The following ZBTB38 variants were observed in gnomAD, a reference collection of about 807,000 sequenced individuals.
ZBTB38 encodes the protein zinc finger and BTB domain containing 38, also known as zinc finger and BTB domain-containing protein 38.
A neutral mutation model predicts 76.8 loss-of-function variants in ZBTB38; 20 were observed. That is an observed-to-expected ratio of 0.26 (90% CI 0.18 to 0.38). ZBTB38 has a LOEUF of 0.38. Among genes scored for constraint, ZBTB38 ranks in the 10% least tolerant of loss-of-function variants. The pLI, the probability that ZBTB38 is intolerant of heterozygous loss-of-function variation, is 1.00. For synonymous variants in ZBTB38, 504 were observed against 544.2 expected, an observed-to-expected ratio of 0.93 and a Z score of 1.03; for missense variants, 1,082 against 1,482.3, an observed-to-expected ratio of 0.73 and a Z score of 4.43.
chr3:141,346,981 C>T (rs1943382562), intron 1 of ZBTB38, among the ~76,000 whole-genome samples: 1 of 152,122 alleles, frequency 6.6e-6, no homozygotes, highest in African/African-American at 2.4e-5. Context: ...CCGCCACTAG[C>T]TTTTATAAAG....
At chr3:141,428,895 G>A (rs1577358057) in intron 5 of ZBTB38, among the ~76,000 whole-genome samples, 1 of 152,140 alleles carries the variant, frequency 6.6e-6, no homozygotes, top group Non-Finnish European at 1.5e-5. Flanking sequence ...ATTCAATATT[G>A]GGGAATTCAG....
At chr3:141,356,198 A>G (rs959863143) in intron 1 of ZBTB38, among the ~76,000 whole-genome samples, 1 of 152,094 alleles carries the variant, frequency 6.6e-6, no homozygotes, top group African/African-American at 2.4e-5. Flanking sequence ...ACTGTAGCAG[A>G]TGCTGCTGTG....
chr3:141,363,261 G>A (rs1460523286), intron 1 of ZBTB38, among the ~76,000 whole-genome samples: 1 of 152,204 alleles, frequency 6.6e-6, no homozygotes, highest in African/African-American at 2.4e-5. Flanking sequence ...CTAAATAAAT[G>A]AGAAGGTTTC....
chr3:141,361,203 G>T (rs1214358954), intron 1 of ZBTB38, among the ~76,000 whole-genome samples: 2 of 152,184 alleles, frequency 1.3e-5, no homozygotes, highest in African/African-American at 4.8e-5. Context: ...TTTGTCTTGT[G>T]CCTGGTGCCA....
At chr3:141,337,076 G>T (rs578020531) in intron 1 of ZBTB38, among the ~76,000 whole-genome samples, 61 of 152,284 alleles carry the variant, frequency 4.0e-4, no homozygotes, top group African/African-American at 1.4e-3. Flanking sequence ...TCCAGTTCTA[G>T]TCACTCCCCG....
At chr3:141,352,778 G>A (rs1297373839) in intron 1 of ZBTB38, among the ~76,000 whole-genome samples, 1 of 152,010 alleles carries the variant, frequency 6.6e-6, no homozygotes, top group Non-Finnish European at 1.5e-5. Flanking sequence ...GCCCCGCTGA[G>A]CTGGGCCACT....
chr3:141,423,156 T>C (rs1361423384), intron 5 of ZBTB38, among the ~76,000 whole-genome samples: 1 of 152,202 alleles, frequency 6.6e-6, no homozygotes, highest in African/African-American at 2.4e-5. Context: ...TCTTAAAGCC[T>C]GAATCTCTCC....
At chr3:141,373,936 C>A (rs561637272) in intron 2 of ZBTB38, among the ~76,000 whole-genome samples, 1 of 152,036 alleles carries the variant, frequency 6.6e-6, no homozygotes, top group Non-Finnish European at 1.5e-5. Context: ...TCAAGACCAG[C>A]CCAGCCAAAA....
At chr3:141,388,936 C>G (rs147440371) in intron 4 of ZBTB38, 102 of 152,278 alleles carry the variant, frequency 6.7e-4, no homozygotes, top group African/African-American at 2.4e-3. Flanking sequence ...GGTGTAGTTT[C>G]ATTATCACAA....
At chr3:141,342,688 A>G (rs751320962) in intron 1 of ZBTB38, among the ~76,000 whole-genome samples, 6 of 151,710 alleles carry the variant, frequency 4.0e-5, no homozygotes, top group Non-Finnish European at 5.9e-5. Context: ...TTTAGCCCGA[A>G]ATAAAAAAAC....
At chr3:141,360,706 G>T (rs920477170) in intron 1 of ZBTB38, among the ~76,000 whole-genome samples, 1 of 152,062 alleles carries the variant, frequency 6.6e-6, no homozygotes, top group Non-Finnish European at 1.5e-5. Flanking sequence ...CGGCACTATC[G>T]ACTTACTGGA....
intron 2 of ZBTB38, among the ~76,000 whole-genome samples, chr3:141,373,338 C>T (rs1456649154): frequency 1.3e-5 from 2 of 152,130 alleles, no homozygotes; most frequent in African/African-American, 4.8e-5. Context: ...CTTTTCAGAG[C>T]TTAGGTCATC....
chr3:141,436,830 A>G (rs1393436354), intron 5 of ZBTB38, among the ~76,000 whole-genome samples: 1 of 152,196 alleles, frequency 6.6e-6, no homozygotes, highest in Non-Finnish European at 1.5e-5. Context: ...GAGTTTTTCA[A>G]CATGGTTAAC....
chr3:141,386,946 T>TC lies in ZBTB38; in HGVS notation c.-106+12dup, dbSNP rs936815801. On this transcript the variant is annotated intron_variant, in intron 4 of 5. Transcript: ENST00000321464. ...CAGATACTGCATTTAAGGTGAGCTG[T>TC]CCCTTGCCTCCTCCTTCCCCAGTGC... 16 of 152,742 alleles carry TC rather than the reference T, an allele frequency of 1.0e-4. No homozygotes were observed. The highest frequency in any genetic ancestry group is 3.1e-4 in the African/African-American group (13 of 41,454). The allele number at this position is 152,742 out of a possible 1,614,324, so 9.5% of individuals were successfully genotyped here.
At chr3:141,429,634 G>C (rs1417063653) in intron 5 of ZBTB38, among the ~76,000 whole-genome samples, 1 of 152,218 alleles carries the variant, frequency 6.6e-6, no homozygotes, top group Non-Finnish European at 1.5e-5. Flanking sequence ...TAAACAAGCA[G>C]GCAACGACGG....
chr3:141,372,653 CA>C (rs1296129222), intron 2 of ZBTB38, among the ~76,000 whole-genome samples: 1,442 of 104,148 alleles, frequency 0.014, 11 homozygotes, highest in Middle Eastern at 0.12. Context: ...ACTCCATCTC[CA>C]AAAAAAAAAA....
intron 5 of ZBTB38, among the ~76,000 whole-genome samples, chr3:141,441,655 T>G (rs2080252310): frequency 6.6e-6 from 1 of 152,186 alleles, no homozygotes; most frequent in African/African-American, 2.4e-5. Context: ...AGTTCTTGCT[T>G]CTTCTCTGAG....
At chr3:141,395,309 C>T (rs1398768603) in intron 4 of ZBTB38, among the ~76,000 whole-genome samples, 1 of 151,958 alleles carries the variant, frequency 6.6e-6, no homozygotes, top group Non-Finnish European at 1.5e-5. Context: ...GCAGAGGGGA[C>T]TGCTTTATCA....
chr3:141,446,506 G>A lies in ZBTB38; in HGVS notation c.*530G>A, dbSNP rs1299797910. 1 of 152,882 alleles carries A rather than the reference G, an allele frequency of 6.5e-6. No individual in the cohort carries two copies. Among genetic ancestry groups the A allele is most frequent in the Non-Finnish European group, 1.5e-5 (1 of 68,266 alleles). The allele number at this position is 152,882 out of a possible 1,614,324, so 9.5% of individuals were successfully genotyped here. On this transcript the variant is annotated 3_prime_UTR_variant, in exon 6 of 6. Coordinates refer to ENST00000321464, the MANE Select transcript of ZBTB38 (RefSeq NM_001376113.1). ...ACTTAAACAATATAACTGAAATTATGTGCATAATGAGTAACCTAAAGTAGG... is the reference window on the plus strand; with the variant it reads ...ACTTAAACAATATAACTGAAATTATATGCATAATGAGTAACCTAAAGTAGG...
Sources: allele counts gnomAD v4.1 joint callset (sites outside exome capture counted in the v4.1 genomes callset), GRCh38; gene constraint gnomAD v4.1.1; transcripts MANE v1.5; gene names NCBI Gene and HGNC (gene_info 2026-07-23, HGNC 2026-07-21).